The following PIK3R3 variants were observed in gnomAD, a reference collection of about 807,000 sequenced individuals.
PIK3R3 encodes phosphatidylinositol 3-kinase regulatory subunit gamma.
In PIK3R3, 64 loss-of-function variants were observed where a neutral mutation model predicts 62.9. That is an observed-to-expected ratio of 1.02 (90% confidence interval 0.83 to 1.25). The LOEUF (loss-of-function observed/expected upper bound fraction) is 1.25. PIK3R3 is among the 50% of genes most tolerant of loss of function. The pLI, the probability that PIK3R3 is intolerant of heterozygous loss-of-function variation, is 0.00. For synonymous variants in PIK3R3, 165 were observed against 189.0 expected (o/e 0.87, Z 1.04); for missense variants, 614 against 561.6 (o/e 1.09, Z -0.94).
Position 46,079,715 on chromosome 1 carries a change from A to T in PIK3R3, c.215+927T>A, listed in dbSNP as rs528017428. Among the ~76,000 whole-genome samples the T allele has an allele frequency of 5.4e-4, 83 of 152,298 alleles. No individual in the cohort carries two copies. The East Asian group carries it at 0.013, about 24-fold the overall frequency. ...ACACCTGTAATCCCAGCACTTTGGG[A>T]GGCCAAGGTAGGTGGATCACCTGAG... On this transcript the variant is annotated intron_variant, in intron 2 of 9. Transcript: ENST00000262741.
At chr1:46,133,279 CG>C (rs926305898), upstream of PIK3R3, among the ~76,000 whole-genome samples, 1 of 152,228 alleles carries the variant, frequency 6.6e-6, no homozygotes, top group Non-Finnish European at 1.5e-5. Context: ...GGCGAGCGCT[CG>C]GGGGCTCAAA....
At chr1:46,151,011 A>G in the PIK3R3 span, among the ~76,000 whole-genome samples, 36 of 151,994 alleles carry the variant, frequency 2.4e-4, 1 homozygote, top group African/African-American at 7.7e-4. Context: ...AGGTTTCACT[A>G]TGTTGGTCAG....
chr1:46,149,728 G>C, the PIK3R3 span, among the ~76,000 whole-genome samples: 10 of 151,940 alleles, frequency 6.6e-5, no homozygotes, highest in Admixed American at 5.9e-4. Flanking sequence ...GCGGGATTTC[G>C]CCAAGTTGGC....
chr1:46,071,730 T>TATAGAGAGAGAGAG (rs1163343399), intron 3 of PIK3R3, among the ~76,000 whole-genome samples: 1 of 59,066 alleles, frequency 1.7e-5, no homozygotes, highest in African/African-American at 7.9e-5. Context: ...TATATATATA[T>TATAGAGAGAGAGAG]AGAGAGAGAG....
chr1:46,076,654 T>C (rs1650093616), intron 3 of PIK3R3, among the ~76,000 whole-genome samples: 1 of 152,218 alleles, frequency 6.6e-6, no homozygotes, highest in East Asian at 1.9e-4. Context: ...CCTAAAGATA[T>C]TAGGCTGGAA....
In PIK3R3 at chr1:46,061,948, T is replaced by C. The variant is rs752859668; in HGVS notation, c.745A>G (p.Asn249Asp). Reference sequence around the variant, plus strand: ...ACTTACCGTTCAATCTCCTTTTCATTCCCCTCTCTGCGAAATCGCTCAATA... The same window carrying C: ...ACTTACCGTTCAATCTCCTTTTCATCCCCCTCTCTGCGAAATCGCTCAATA... Reference protein sequence around the residue: ...EYIERFRREGNEKEIERIMMN... With the variant: ...EYIERFRREGDEKEIERIMMN... Residue 249 changes from asparagine to aspartate, a missense_variant, in exon 6 of 10, where the codon AAT becomes GAT. Asn to Asp is a conservative substitution (Grantham distance 23). Coordinates refer to ENST00000262741, the MANE Select transcript of PIK3R3 (RefSeq NM_003629.4). 1.9e-6 allele frequency: 3 copies of C among 1,613,388 alleles called. No homozygotes were observed. The South Asian group carries it at 3.3e-5, about 18-fold the overall frequency.
intron 1 of PIK3R3, 22 bp from the exon 2 acceptor site, chr1:46,080,772 C>A: frequency 6.8e-7 from 1 of 1,467,824 alleles, no homozygotes; most frequent in Non-Finnish European, 9.5e-7. Context: ...ATGAATATTA[C>A]TCTGTAGATG....
At chr1:46,065,955 G>T in intron 5 of PIK3R3, 99 bp downstream of exon 5, 1 of 1,034,726 alleles carries the variant, frequency 9.7e-7, no homozygotes. Flanking sequence ...AAGCCTTTAA[G>T]ACATTAAAAC....
At chr1:46,119,185 T>A (rs756507778) in intron 1 of PIK3R3, among the ~76,000 whole-genome samples, 22 of 152,318 alleles carry the variant, frequency 1.4e-4, no homozygotes, top group African/African-American at 4.8e-4. Flanking sequence ...CCTCACTCCC[T>A]TAGAAATGTA....
At chr1:46,160,039 T>TTCTTTAGCC in the PIK3R3 span, among the ~76,000 whole-genome samples, 3 of 152,242 alleles carry the variant, frequency 2.0e-5, no homozygotes, top group African/African-American at 4.8e-5. Flanking sequence ...CTAAACTTAG[T>TTCTTTAGCC]TCTTTAGCCT....
intron 1 of PIK3R3, among the ~76,000 whole-genome samples, chr1:46,115,958 G>A (rs750415094): frequency 6.6e-6 from 1 of 152,084 alleles, no homozygotes; most frequent in Non-Finnish European, 1.5e-5. Flanking sequence ...CAAAAGAAAC[G>A]CAAAAATAAG....
rs1472807815 is a variant in PIK3R3 at position 46,071,712 on chromosome 1, A to AAAAAAAAAAATAT, written c.315-4622_315-4621insATATTTTTTTTTT. Among the ~76,000 whole-genome samples the AAAAAAAAAAATAT allele has an allele frequency of 2.7e-3, 67 of 24,632 alleles. 1 individual carries two copies. Among genetic ancestry groups the AAAAAAAAAAATAT allele is most frequent in the Non-Finnish European group, 4.0e-3 (51 of 12,776 alleles). The allele number at this position is 24,632 out of a possible 152,430, so 16.2% of individuals were successfully genotyped here. ...CTCTGTCTCCAAAAAAAAAAAAAAA[A>AAAAAAAAAAATAT]ATATATATATATATATATAGAGAGA... On this transcript the variant is annotated intron_variant, in intron 3 of 9. Coordinates refer to ENST00000262741, the MANE Select transcript of PIK3R3 (RefSeq NM_003629.4).
At chr1:46,046,669 G>T (rs1229317521) in intron 7 of PIK3R3, 44 bp from the exon 8 acceptor site, 4 of 1,371,884 alleles carry the variant, frequency 2.9e-6, no homozygotes, top group South Asian at 1.2e-5. Flanking sequence ...TGCAAACTCT[G>T]ACTGGACAAA....
At chr1:46,097,475 T>G (rs912590452) in intron 1 of PIK3R3, among the ~76,000 whole-genome samples, 3 of 152,194 alleles carry the variant, frequency 2.0e-5, no homozygotes, top group African/African-American at 7.2e-5. Context: ...AAAGAGTATC[T>G]ACAGAAAACC....
intron 1 of PIK3R3, among the ~76,000 whole-genome samples, chr1:46,087,725 C>A (rs1270411540): frequency 6.6e-6 from 1 of 151,360 alleles, no homozygotes; most frequent in Non-Finnish European, 1.5e-5. Context: ...TGAGCCACTG[C>A]ACCTGGCAGG....
chr1:46,045,914 T>C lies in PIK3R3; in HGVS notation c.1187+4A>G. The C allele has an allele frequency of 6.2e-7, 1 of 1,610,904 alleles. No homozygotes were observed. Among genetic ancestry groups the C allele is most frequent in the Non-Finnish European group, 8.5e-7 (1 of 1,177,510 alleles). ...AAAAGGTTATATCCCCAGAGAAGAC[T>C]TACACCACAGAGCAAGCATAGCATC... On this transcript the variant is annotated splice_donor_region_variant and intron_variant, in intron 9 of 9. Coordinates refer to ENST00000262741, the MANE Select transcript of PIK3R3 (RefSeq NM_003629.4).
intron 1 of PIK3R3, among the ~76,000 whole-genome samples, chr1:46,117,756 AAGAAAGAAAG>A (rs1371610058): frequency 1.1e-4 from 17 of 152,032 alleles, no homozygotes; most frequent in Middle Eastern, 3.4e-3. Flanking sequence ...GAAAGAAAGA[AAGAAAGAAAG>A]AGAAAGAAAG....
chr1:46,088,322 A>T (rs930923315), intron 1 of PIK3R3, among the ~76,000 whole-genome samples: 3 of 152,192 alleles, frequency 2.0e-5, no homozygotes, highest in Non-Finnish European at 2.9e-5. Context: ...AAAACAACAG[A>T]CATTTGAGGA....
Position 46,132,494 on chromosome 1 carries a change from C to T in PIK3R3, c.-542G>A, listed in dbSNP as rs1434237243. On this transcript the variant is annotated 5_prime_UTR_variant, in exon 1 of 10. Coordinates refer to ENST00000262741, the MANE Select transcript of PIK3R3 (RefSeq NM_003629.4). The stretch of plus-strand genomic sequence containing the variant: ...GCCGGGACTCGGGCTCCTCTCCGGT[C>T]GGTCTCGGAACCGAAGCTGCCGCAG... 1.7e-6 allele frequency: 2 copies of T among 1,211,156 alleles called. No homozygotes were observed. The highest frequency in any genetic ancestry group is 2.1e-6 in the Non-Finnish European group (2 of 950,998). 75.0% of individuals were successfully genotyped at this position (1,211,156 alleles called of 1,614,324 possible). A position where few individuals can be genotyped will look rare whatever the true frequency, so the allele number is the denominator to read the frequency against.
Sources: gnomAD v4.1 joint callset for allele counts (sites outside exome capture counted in the v4.1 genomes callset) on GRCh38, gnomAD v4.1.1 for gene constraint, MANE v1.5 for transcripts, NCBI Gene and HGNC (gene_info 2026-07-23, HGNC 2026-07-21) for gene names.